Variants in NAALADL2 observed in about 807,000 individuals in gnomAD.
NAALADL2 encodes N-acetylated alpha-linked acidic dipeptidase like 2, also known as inactive N-acetylated-alpha-linked acidic dipeptidase-like protein 2.
A neutral mutation model predicts 87.2 loss-of-function variants in NAALADL2; 76 were observed. The observed-to-expected ratio is 0.87, with a 90% CI of 0.72 to 1.05. The LOEUF is 1.05. NAALADL2 is among the 50% of genes least tolerant of loss of function. The probability of loss-of-function intolerance (pLI) is 0.00; values close to 1 mark genes in which losing one functional copy is unlikely to be tolerated. For missense variants in NAALADL2, 1,089 were observed against 945.8 expected, an observed-to-expected ratio of 1.15 and a Z score of -1.99; for synonymous variants, 354 against 331.0, an observed-to-expected ratio of 1.07 and a Z score of -0.75.
intron 1 of NAALADL2, among the ~76,000 whole-genome samples, chr3:174,972,695 GAATA>G (rs1465601176): frequency 6.6e-6 from 1 of 151,992 alleles, no homozygotes; most frequent in Admixed American, 6.6e-5. Context: ...GGTTTTGGTT[GAATA>G]AATAATCCCA....
At chr3:175,263,114 A>G (rs1176509819) in intron 4 of NAALADL2, among the ~76,000 whole-genome samples, 1 of 151,952 alleles carries the variant, frequency 6.6e-6, no homozygotes, top group Non-Finnish European at 1.5e-5. Flanking sequence ...TTGGAAAGTA[A>G]TAGTTTAATG....
intron 1 of NAALADL2, chr3:174,864,019 TAATCTC>T: frequency 4.4e-6 from 2 of 454,974 alleles, no homozygotes; most frequent in Non-Finnish European, 8.8e-6. Flanking sequence ...GAAAGTCTCA[TAATCTC>T]AAAACAAAAT....
chr3:174,560,797 T>A (rs1430548826), intron 2 of NAALADL2, among the ~76,000 whole-genome samples: 1 of 152,198 alleles, frequency 6.6e-6, no homozygotes. Flanking sequence ...TGTGATTTTT[T>A]ATTTGGTATC....
At chr3:174,961,060 T>C (rs1170525703) in intron 1 of NAALADL2, among the ~76,000 whole-genome samples, 1 of 147,118 alleles carries the variant, frequency 6.8e-6, no homozygotes, top group Non-Finnish European at 1.5e-5. Flanking sequence ...ATATATTAAA[T>C]ATATCATATG....
intron 1 of NAALADL2, among the ~76,000 whole-genome samples, chr3:174,898,127 A>AAG: frequency 7.6e-6 from 1 of 131,522 alleles, no homozygotes; most frequent in Non-Finnish European, 1.5e-5. Context: ...AAAAAAAAAA[A>AAG]AAAAAAAAAA....
chr3:175,490,830 G>C (rs1727966891), intron 9 of NAALADL2, among the ~76,000 whole-genome samples: 2 of 152,084 alleles, frequency 1.3e-5, no homozygotes, highest in African/African-American at 4.8e-5. Flanking sequence ...CAAACAGGGA[G>C]GTAGGCAATC....
intron 5 of NAALADL2, among the ~76,000 whole-genome samples, chr3:175,411,738 A>T (rs577035415): frequency 4.6e-5 from 7 of 152,124 alleles, no homozygotes; most frequent in Non-Finnish European, 2.9e-5. Flanking sequence ...AATCAGAAAC[A>T]AAAGTATTTT....
chr3:175,527,962 T>G (rs1382578061), intron 9 of NAALADL2, among the ~76,000 whole-genome samples: 1 of 152,122 alleles, frequency 6.6e-6, no homozygotes, highest in East Asian at 1.9e-4. Flanking sequence ...GTCCACAGAT[T>G]CCGAATCTTG....
chr3:174,630,023 T>C (rs1721955839), intron 2 of NAALADL2, among the ~76,000 whole-genome samples: 1 of 152,182 alleles, frequency 6.6e-6, no homozygotes. Flanking sequence ...GGTTTATGTA[T>C]ATTATGGCAT....
chr3:174,658,540 A>G (rs1298910690), intron 2 of NAALADL2, among the ~76,000 whole-genome samples: 1 of 152,098 alleles, frequency 6.6e-6, no homozygotes, highest in Admixed American at 6.6e-5. Flanking sequence ...TCTTTTTGCA[A>G]TCATCATTAC....
intron 9 of NAALADL2, among the ~76,000 whole-genome samples, chr3:175,573,081 T>G (rs2149547464): frequency 6.6e-6 from 1 of 152,324 alleles, no homozygotes; most frequent in African/African-American, 2.4e-5. Flanking sequence ...ATGTTTATTT[T>G]TTAAAAAATA....
chr3:175,440,806 A>G (rs1719597425), intron 5 of NAALADL2, among the ~76,000 whole-genome samples: 1 of 152,126 alleles, frequency 6.6e-6, no homozygotes, highest in African/African-American at 2.4e-5. Context: ...AGGGTCTCCT[A>G]CTTATATGAT....
chr3:175,232,147 G>A (rs1486394098), intron 2 of NAALADL2, among the ~76,000 whole-genome samples: 3 of 151,612 alleles, frequency 2.0e-5, no homozygotes, highest in African/African-American at 7.3e-5. Flanking sequence ...GGAAGAGGAA[G>A]AGGAAGAAGA....
intron 13 of NAALADL2, among the ~76,000 whole-genome samples, chr3:175,780,830 C>T (rs1000204064): frequency 2.0e-4 from 30 of 152,094 alleles, no homozygotes; most frequent in African/African-American, 2.9e-4. Context: ...AAATGTTCTG[C>T]GATAAATATA....
At chr3:174,875,112 CAAAAAAAAAAAAAAA>C (rs10547300) in intron 1 of NAALADL2, among the ~76,000 whole-genome samples, 2 of 41,524 alleles carry the variant, frequency 4.8e-5, no homozygotes, top group Non-Finnish European at 8.9e-5. Context: ...GACCCTGTCT[CAAAAAAAAAAAAAAA>C]AAAAAAAAAA....
intron 5 of NAALADL2, among the ~76,000 whole-genome samples, chr3:175,353,728 A>G (rs920982668): frequency 6.6e-6 from 1 of 152,236 alleles, no homozygotes; most frequent in African/African-American, 2.4e-5. Flanking sequence ...ATTTTCAAAT[A>G]TTTTATCTAA....
At chr3:175,528,604 T>C (rs1000378238) in intron 9 of NAALADL2, among the ~76,000 whole-genome samples, 3 of 152,096 alleles carry the variant, frequency 2.0e-5, no homozygotes, top group Non-Finnish European at 4.4e-5. Context: ...CTTGAACCCA[T>C]AAACATCTCC....
At chr3:174,914,830 G>A (rs1009181801) in intron 1 of NAALADL2, among the ~76,000 whole-genome samples, 4 of 152,198 alleles carry the variant, frequency 2.6e-5, no homozygotes, top group African/African-American at 4.8e-5. Flanking sequence ...CTTTGTAGCT[G>A]AGTGTCAGGG....
At chr3:174,987,563 C>T (rs13065089) in intron 1 of NAALADL2, among the ~76,000 whole-genome samples, 3,418 of 70,478 alleles carry the variant, frequency 0.048, 70 homozygotes, top group Non-Finnish European at 0.062. Flanking sequence ...AGCGAGACTC[C>T]GTCTCAAAAA....
Sources: allele counts gnomAD v4.1 joint callset (sites outside exome capture counted in the v4.1 genomes callset), GRCh38; gene constraint gnomAD v4.1.1; transcripts MANE v1.5; gene names NCBI Gene and HGNC (gene_info 2026-07-23, HGNC 2026-07-21).